Variants in PAM observed in about 807,000 individuals in gnomAD.
PAM encodes the protein peptidylglycine alpha-amidating monooxygenase.
A neutral mutation model predicts 122.1 loss-of-function variants in PAM; 72 were observed. The observed-to-expected ratio is 0.59, with a 90% CI of 0.49 to 0.72. The LOEUF is 0.72. PAM is among the 30% of genes least tolerant of loss of function. The pLI, the probability that PAM is intolerant of heterozygous loss-of-function variation, is 0.00. For synonymous variants in PAM, 389 were observed against 404.4 expected, an observed-to-expected ratio of 0.96 and a Z score of 0.46; for missense variants, 1,106 against 1,183.7, an observed-to-expected ratio of 0.93 and a Z score of 0.96.
At chr5:102,978,036 A>G (rs1485882319) in intron 15 of PAM, among the ~76,000 whole-genome samples, 1 of 152,178 alleles carries the variant, frequency 6.6e-6, no homozygotes, top group Non-Finnish European at 1.5e-5. Flanking sequence ...AATTGTGACT[A>G]TTATTGCTAC....
rs773397667 is a variant in PAM, at chr5:103,025,152, C to A, written c.2507C>A (p.Thr836Asn). Reference protein sequence around the residue: ...EIKEAEAVVETKMENKPTSSE... With the variant: ...EIKEAEAVVENKMENKPTSSE... ...GAAGAAGCCGAGGCAGTTGTTGAAA[C>A]CAAAATGGAGAACAAACCCACCTCC... The change falls in exon 24 of 26, where the codon ACC becomes AAC. Residue 836 changes from threonine to asparagine, a missense_variant. Around this residue, in one of 3 missense-constraint regions of PAM, gnomAD observed 333 missense variants for 335.6 expected, o/e 0.99. Coordinates refer to ENST00000438793, the MANE Select transcript of PAM (RefSeq NM_001177306.2). The A allele has an allele frequency of 2.5e-6, 4 of 1,613,320 alleles. No homozygotes were observed. Among genetic ancestry groups the A allele is most frequent in the Non-Finnish European group, 3.4e-6 (4 of 1,179,506 alleles).
At chr5:102,921,106 A>G (rs1747289852) in intron 5 of PAM, among the ~76,000 whole-genome samples, 1 of 152,168 alleles carries the variant, frequency 6.6e-6, no homozygotes, top group African/African-American at 2.4e-5. Flanking sequence ...ATGAATACTA[A>G]GAAACCACAA....
chr5:102,828,593 A>C (rs548460782), intron 1 of PAM, among the ~76,000 whole-genome samples: 2 of 152,170 alleles, frequency 1.3e-5, no homozygotes, highest in Non-Finnish European at 1.5e-5. Context: ...AAATGGGGCT[A>C]ATAATACACA....
intron 5 of PAM, among the ~76,000 whole-genome samples, chr5:102,924,126 A>T (rs1054911108): frequency 1.3e-5 from 2 of 152,178 alleles, no homozygotes; most frequent in South Asian, 4.1e-4. Context: ...TCATGCATGT[A>T]TAAGATCAAG....
intron 5 of PAM, among the ~76,000 whole-genome samples, chr5:102,916,863 G>A (rs1803282392): frequency 6.6e-6 from 1 of 151,382 alleles, no homozygotes; most frequent in South Asian, 2.1e-4. Flanking sequence ...CTCCTCAGTA[G>A]TTGGGACTAC....
intron 1 of PAM, among the ~76,000 whole-genome samples, chr5:102,780,793 TTCTTTC>T (rs1329965186): frequency 2.1e-5 from 3 of 143,848 alleles, no homozygotes; most frequent in African/African-American, 7.9e-5. Flanking sequence ...CTTTCTTTCT[TTCTTTC>T]TTTCTTTCTT....
At position 102,958,882 on chromosome 5, in the gene PAM, C is replaced by G. The variant is rs940067272; in HGVS notation, c.906-993C>G. 7.2e-5 allele frequency among the ~76,000 whole-genome samples: 11 copies of G among 152,118 alleles called. 1 individual carries two copies. Among genetic ancestry groups the G allele is most frequent in the Admixed American group, 6.6e-4 (10 of 15,258 alleles). Reference sequence around the variant, plus strand: ...TTTCTGTACAGCAAATAACCTACCTCATAGCTTTTTTTTATTAGTGTAGGC... The same window carrying G: ...TTTCTGTACAGCAAATAACCTACCTGATAGCTTTTTTTTATTAGTGTAGGC... On this transcript the variant is annotated intron_variant, in intron 12 of 25. Transcript: ENST00000438793.
At chr5:102,880,775 A>G (rs1248702963) in intron 3 of PAM, among the ~76,000 whole-genome samples, 3 of 152,066 alleles carry the variant, frequency 2.0e-5, no homozygotes, top group Non-Finnish European at 2.9e-5. Flanking sequence ...ATGAAGATAA[A>G]TATTAAAATC....
chr5:102,774,222 T>C (rs1246220310), intron 1 of PAM, among the ~76,000 whole-genome samples: 1 of 152,130 alleles, frequency 6.6e-6, no homozygotes, highest in Non-Finnish European at 1.5e-5. Context: ...CGTCTGAGTA[T>C]ATACCCAGTA....
intron 1 of PAM, among the ~76,000 whole-genome samples, chr5:102,789,385 CT>C (rs1352361910): frequency 6.6e-6 from 1 of 152,020 alleles, no homozygotes; most frequent in Non-Finnish European, 1.5e-5. Context: ...TGGAAACAAC[CT>C]AAGTGGTTGT....
chr5:102,894,882 C>T (rs928671814), intron 3 of PAM, among the ~76,000 whole-genome samples: 2 of 151,690 alleles, frequency 1.3e-5, no homozygotes, highest in Admixed American at 1.3e-4. Flanking sequence ...AGAATCTGCC[C>T]TCTTTTCTCC....
At chr5:103,025,502 T>A in intron 24 of PAM, 168 bp downstream of exon 24, 1 of 655,330 alleles carries the variant, frequency 1.5e-6, no homozygotes, top group Non-Finnish European at 2.7e-6. Flanking sequence ...TTGCCCCTAG[T>A]TAATATCACA....
At chr5:102,885,081 C>CTATATATATATATATATATATATA (rs72500464) in intron 3 of PAM, among the ~76,000 whole-genome samples, 13 of 133,538 alleles carry the variant, frequency 9.7e-5, no homozygotes, top group African/African-American at 4.6e-4. Context: ...TGTTTAATAA[C>CTATATATATATATATATATATATA]TATATATATA....
At chr5:102,808,222 G>A (rs555929474) in intron 1 of PAM, 1 of 152,326 alleles carries the variant, frequency 6.6e-6, no homozygotes, top group South Asian at 2.1e-4. Context: ...GACATCTGTA[G>A]CAATGGAAGG....
At chr5:102,761,722 A>T (rs2149676386) in intron 1 of PAM, among the ~76,000 whole-genome samples, 1 of 152,352 alleles carries the variant, frequency 6.6e-6, no homozygotes, top group South Asian at 2.1e-4. Context: ...GATAGAATTT[A>T]TTATTTTTAA....
intron 4 of PAM, among the ~76,000 whole-genome samples, chr5:102,912,538 G>C (rs1391343484): frequency 6.6e-6 from 1 of 151,874 alleles, no homozygotes. Flanking sequence ...ACTCAACCTG[G>C]CAGTGGTCTA....
chr5:103,025,715 G>C, intron 24 of PAM, among the ~76,000 whole-genome samples: 1 of 152,088 alleles, frequency 6.6e-6, no homozygotes. Context: ...AAGTACCTGG[G>C]TCAGTTTTTC....
Position 102,921,471 on chromosome 5 carries a change from G to A in PAM, c.357-3486G>A, listed in dbSNP as rs142453937. On this transcript the variant is annotated intron_variant, in intron 5 of 25. Transcript: ENST00000438793. ...ATCAGTTATAGAACTCAGTTCTCTC[G>A]CCCTTTTGTTTTTCCTCTTAGTCCT... Among the ~76,000 whole-genome samples the A allele has an allele frequency of 4.2e-3, 635 of 151,998 alleles. 8 individuals are homozygous for A. The highest frequency in any genetic ancestry group is 0.014 in the African/African-American group (599 of 41,474).
Position 102,842,394 on chromosome 5 carries a change from C to T in PAM, c.-373-23429C>T, listed in dbSNP as rs142061775. On this transcript the variant is annotated intron_variant, in intron 1 of 25. Transcript: ENST00000438793. ...CCTTCCCATGTTGTTCTCATGATAG[C>T]GAATAAGTCTCATGAGATCTGATGG... Among the ~76,000 whole-genome samples the T allele has an allele frequency of 9.9e-3, 1,509 of 152,092 alleles. 20 individuals carry two copies. The highest frequency in any genetic ancestry group is 0.034 in the African/African-American group (1,405 of 41,492).
Sources: gnomAD v4.1 joint callset for allele counts (sites outside exome capture counted in the v4.1 genomes callset) on GRCh38, gnomAD v4.1.1 for gene constraint, gnomAD v4.1.1 regional missense constraint, MANE v1.5 for transcripts, NCBI Gene and HGNC (gene_info 2026-07-23, HGNC 2026-07-21) for gene names.